LHX4: variants seen among roughly 807,000 people sequenced by gnomAD.
LHX4 encodes LIM/homeobox protein Lhx4.
Under a neutral mutation model 39.2 loss-of-function variants are expected in LHX4, and 16 were observed. That is an observed-to-expected ratio of 0.41 (90% confidence interval 0.28 to 0.62). The LOEUF (loss-of-function observed/expected upper bound fraction) is 0.62. LHX4 is among the 20% of genes least tolerant of loss of function. LHX4 has a pLI of 0.33. For missense variants in LHX4, 439 were observed against 511.9 expected (o/e 0.86, Z 1.37); for synonymous variants, 206 against 198.1 (o/e 1.04, Z -0.33).
At chr1:180,262,431 C>T (rs371082108) in intron 2 of LHX4, among the ~76,000 whole-genome samples, 1 of 152,114 alleles carries the variant, frequency 6.6e-6, no homozygotes, top group African/African-American at 2.4e-5. Context: ...GTCCAAGTGC[C>T]TGAACAGAAG....
intron 2 of LHX4, among the ~76,000 whole-genome samples, chr1:180,255,167 T>G (rs1229167970): frequency 2.6e-5 from 4 of 152,264 alleles, no homozygotes; most frequent in African/African-American, 9.6e-5. Context: ...TGGGTGGCTT[T>G]CCACTGTCTC....
At chr1:180,268,095 G>A (rs1648404276) in intron 3 of LHX4, among the ~76,000 whole-genome samples, 1 of 152,162 alleles carries the variant, frequency 6.6e-6, no homozygotes, top group African/African-American at 2.4e-5. Flanking sequence ...AATCTGCTCT[G>A]GTTTCTTAAA....
At chr1:180,233,037 T>C (rs1664217069) in intron 1 of LHX4, among the ~76,000 whole-genome samples, 1 of 152,238 alleles carries the variant, frequency 6.6e-6, no homozygotes, top group South Asian at 2.1e-4. Context: ...GACGCAGGTC[T>C]AGGTGTCCCC....
chr1:180,229,972 G>GGGGT (rs1664132689), upstream of LHX4, among the ~76,000 whole-genome samples: 7 of 143,608 alleles, frequency 4.9e-5, 1 homozygote, highest in African/African-American at 1.6e-4. Flanking sequence ...GGAGGGGGGG[G>GGGGT]GGGTGCCGGC....
Position 180,274,739 on chromosome 1 carries a change from C to A in LHX4, c.*160C>A. 1 of 809,984 alleles carries A rather than the reference C, an allele frequency of 1.2e-6. No homozygotes were observed. The highest frequency in any genetic ancestry group is 1.9e-6 in the Non-Finnish European group (1 of 527,234). 50.2% of individuals were successfully genotyped at this position (809,984 alleles called of 1,614,324 possible). A position where few individuals can be genotyped will look rare whatever the true frequency, so the allele number is the denominator to read the frequency against. On this transcript the variant is annotated 3_prime_UTR_variant, in exon 6 of 6. Coordinates refer to ENST00000263726, the MANE Select transcript of LHX4 (RefSeq NM_033343.4). ...ATTCCTAGAAGGCTGTGAGACCACACTAGGGCATTGTTTCCCTGGGGAAGC... is the reference window on the plus strand; with the variant it reads ...ATTCCTAGAAGGCTGTGAGACCACAATAGGGCATTGTTTCCCTGGGGAAGC...
chr1:180,244,328 C>A (rs1420299964), intron 1 of LHX4, among the ~76,000 whole-genome samples: 1 of 152,144 alleles, frequency 6.6e-6, no homozygotes, highest in Non-Finnish European at 1.5e-5. Flanking sequence ...CCAGAGGGCC[C>A]CGGTTTGGTC....
At chr1:180,251,746 T>A (rs774378044) in intron 2 of LHX4, among the ~76,000 whole-genome samples, 1 of 152,142 alleles carries the variant, frequency 6.6e-6, no homozygotes, top group Non-Finnish European at 1.5e-5. Context: ...CACGGTCACT[T>A]CCCTTGTTCC....
At chr1:180,274,130 G>A in intron 5 of LHX4, 55 bp from the exon 6 acceptor site, 2 of 1,607,088 alleles carry the variant, frequency 1.2e-6, no homozygotes, top group Non-Finnish European at 1.7e-6. Context: ...GTGAAGAGCA[G>A]GGGACCATCA....
intron 2 of LHX4, among the ~76,000 whole-genome samples, chr1:180,258,720 C>G (rs1409223559): frequency 6.6e-6 from 1 of 152,132 alleles, no homozygotes; most frequent in East Asian, 1.9e-4. Flanking sequence ...GGGAGGATCT[C>G]TTGAGCCCAG....
At chr1:180,272,213 C>G (rs1187319140) in intron 5 of LHX4, among the ~76,000 whole-genome samples, 3 of 152,036 alleles carry the variant, frequency 2.0e-5, no homozygotes, top group African/African-American at 7.2e-5. Context: ...TTGCTGAGGT[C>G]TGGAAGCTGG....
upstream of LHX4, among the ~76,000 whole-genome samples, chr1:180,229,972 G>T (rs1252853348): frequency 2.1e-5 from 3 of 143,516 alleles, 1 homozygote; most frequent in South Asian, 4.6e-4. Context: ...GGAGGGGGGG[G>T]GGGTGCCGGC....
intron 1 of LHX4, among the ~76,000 whole-genome samples, chr1:180,242,560 T>C (rs1571260752): frequency 1.3e-5 from 2 of 152,310 alleles, no homozygotes; most frequent in East Asian, 3.9e-4. Context: ...GATGTCTGTA[T>C]GTGTTCATGC....
At chr1:180,256,832 G>A (rs1057061464) in intron 2 of LHX4, among the ~76,000 whole-genome samples, 17 of 152,174 alleles carry the variant, frequency 1.1e-4, no homozygotes, top group African/African-American at 4.1e-4. Context: ...TAGTGAGAAG[G>A]GCAGATGAGG....
intron 1 of LHX4, among the ~76,000 whole-genome samples, chr1:180,243,161 G>C (rs1292724375): frequency 1.3e-5 from 2 of 151,934 alleles, no homozygotes; most frequent in African/African-American, 4.8e-5. Flanking sequence ...GCTAATTTTT[G>C]TTTTTTTAGT....
chr1:180,259,337 A>T (rs1648005810), intron 2 of LHX4, among the ~76,000 whole-genome samples: 1 of 152,076 alleles, frequency 6.6e-6, no homozygotes, highest in Non-Finnish European at 1.5e-5. Context: ...CTGTACATGG[A>T]TGGAAGGAGC....
chr1:180,255,607 T>G (rs1017887483), intron 2 of LHX4, among the ~76,000 whole-genome samples: 2 of 152,206 alleles, frequency 1.3e-5, no homozygotes, highest in African/African-American at 4.8e-5. Context: ...AACACACTGG[T>G]GGGACCAGGC....
chr1:180,260,359 T>C (rs1648064245), intron 2 of LHX4, among the ~76,000 whole-genome samples: 1 of 151,734 alleles, frequency 6.6e-6, no homozygotes, highest in Non-Finnish European at 1.5e-5. Flanking sequence ...CACCCCTGGT[T>C]CTAGAAGGCT....
intron 1 of LHX4, among the ~76,000 whole-genome samples, chr1:180,246,449 C>T (rs1299262454): frequency 6.6e-6 from 1 of 152,176 alleles, no homozygotes; most frequent in Non-Finnish European, 1.5e-5. Flanking sequence ...TGGTGGCTCA[C>T]GCCTGTAATC....
At chr1:180,254,691 GC>G (rs1001694794) in intron 2 of LHX4, among the ~76,000 whole-genome samples, 5 of 152,224 alleles carry the variant, frequency 3.3e-5, no homozygotes, top group Admixed American at 6.5e-5. Flanking sequence ...TTCATGGAGA[GC>G]AGGTGCGGGG....
Sources: allele counts gnomAD v4.1 joint callset (sites outside exome capture counted in the v4.1 genomes callset), GRCh38; gene constraint gnomAD v4.1.1; transcripts MANE v1.5; gene names NCBI Gene and HGNC (gene_info 2026-07-23, HGNC 2026-07-21).